DCUN1D4: variants seen among roughly 807,000 people sequenced by gnomAD.
The protein encoded by DCUN1D4 is defective in cullin neddylation 1 domain containing 4.
Under a neutral mutation model 47.9 loss-of-function variants are expected in DCUN1D4, and 22 were observed. The observed-to-expected ratio is 0.46, with a 90% CI of 0.33 to 0.66. DCUN1D4 has a LOEUF of 0.66. DCUN1D4 is among the 30% of genes least tolerant of loss of function. DCUN1D4 has a pLI of 0.02. For missense variants in DCUN1D4, 301 were observed against 340.8 expected (o/e 0.88, Z 0.92); for synonymous variants, 121 against 112.2 (o/e 1.08, Z -0.50).
At chr4:51,880,335 T>G (rs1728394617) in intron 5 of DCUN1D4, among the ~76,000 whole-genome samples, 2 of 152,222 alleles carry the variant, frequency 1.3e-5, no homozygotes, top group Non-Finnish European at 2.9e-5. Flanking sequence ...GCCATGTTCA[T>G]TTTCCGTAGA....
rs1350384818 is a variant in DCUN1D4 at position 51,877,808 on chromosome 4, A to AGCC, written c.298_300dup (p.Ala100dup). On this transcript the variant is annotated inframe_insertion, in exon 5 of 11. Transcript: ENST00000334635. ...CGACTAGAATAAAGACTGAAGAAGA[A>AGCC]GCCTTTTCAAGTAAAAGGTGCTTGG... The AGCC allele has an allele frequency of 6.2e-7, 1 of 1,612,548 alleles. No individual in the cohort carries two copies. The highest frequency in any genetic ancestry group is 1.7e-5 in the Admixed American group (1 of 59,894).
chr4:51,844,808 C>G, intron 1 of DCUN1D4: 2 of 985,020 alleles, frequency 2.0e-6, no homozygotes, highest in Non-Finnish European at 2.4e-6. Context: ...CGCCCGGCCG[C>G]GGTTGGGTTG....
chr4:51,875,970 CT>C (rs1162165590), intron 4 of DCUN1D4, among the ~76,000 whole-genome samples: 2 of 152,038 alleles, frequency 1.3e-5, no homozygotes. Context: ...CCGGTATCCA[CT>C]TTTGTTTCTA....
chr4:51,908,293 ATTAAAGT>A (rs1213129304), intron 8 of DCUN1D4, among the ~76,000 whole-genome samples: 2 of 152,186 alleles, frequency 1.3e-5, no homozygotes, highest in Non-Finnish European at 2.9e-5. Flanking sequence ...ATCTTAGTAA[ATTAAAGT>A]TTATGAAATA....
At chr4:51,859,530 T>C (rs1452195586) in intron 1 of DCUN1D4, among the ~76,000 whole-genome samples, 1 of 151,396 alleles carries the variant, frequency 6.6e-6, no homozygotes, top group African/African-American at 2.4e-5. Flanking sequence ...CCCTGTATTG[T>C]GTAGTTTTCT....
chr4:51,879,335 G>T (rs114762405), intron 5 of DCUN1D4, among the ~76,000 whole-genome samples: 5 of 152,204 alleles, frequency 3.3e-5, no homozygotes, highest in African/African-American at 9.6e-5. Flanking sequence ...GGCTGGGCGC[G>T]GTGGCTCACG....
chr4:51,892,988 A>G (rs1429073155), intron 7 of DCUN1D4, among the ~76,000 whole-genome samples: 2 of 152,218 alleles, frequency 1.3e-5, no homozygotes, highest in Non-Finnish European at 2.9e-5. Flanking sequence ...ATGCTTTCGC[A>G]TTGTGCTTTA....
At chr4:51,895,224 AT>A (rs1731056993) in intron 7 of DCUN1D4, among the ~76,000 whole-genome samples, 1 of 152,006 alleles carries the variant, frequency 6.6e-6, no homozygotes, top group African/African-American at 2.4e-5. Context: ...AGGTTACTGT[AT>A]GATGGGAGTG....
intron 8 of DCUN1D4, among the ~76,000 whole-genome samples, chr4:51,900,379 C>T (rs371873157): frequency 1.3e-5 from 2 of 151,976 alleles, no homozygotes; most frequent in African/African-American, 4.8e-5. Context: ...ATGTTAAAAA[C>T]GATAAGGTGA....
At chr4:51,843,619 C>T in intron 1 of DCUN1D4, 1 of 1,183,738 alleles carries the variant, frequency 8.4e-7, no homozygotes, top group Non-Finnish European at 1.0e-6. Context: ...CTGTAGCGGG[C>T]AGGGCCGGGG....
rs368076036 is a variant in DCUN1D4, at chr4:51,870,983, C to T, written c.137-3288C>T. ...CCCTTGCCTGGATCTGAGTTTGCCT[C>T]ATCCTCCTTGTGAGCCAGCCATGTG... On this transcript the variant is annotated intron_variant, in intron 3 of 10. Coordinates refer to ENST00000334635, the MANE Select transcript of DCUN1D4 (RefSeq NM_001040402.3). Among the ~76,000 whole-genome samples, 17 of 152,104 alleles carry T rather than the reference C, an allele frequency of 1.1e-4. No individual in the cohort carries two copies. In the East Asian group the frequency reaches 3.3e-3, roughly 30 times the overall value.
intron 3 of DCUN1D4, among the ~76,000 whole-genome samples, chr4:51,868,293 C>T (rs2109939366): frequency 6.6e-6 from 1 of 152,348 alleles, no homozygotes; most frequent in East Asian, 1.9e-4. Context: ...GGGTGGGGCT[C>T]CTGCCTGTTC....
chr4:51,889,500 CTT>C (rs1298302847), intron 6 of DCUN1D4, among the ~76,000 whole-genome samples: 1 of 152,112 alleles, frequency 6.6e-6, no homozygotes, highest in Non-Finnish European at 1.5e-5. Context: ...ATGAAAGTCT[CTT>C]TTTTATGAAC....
At chr4:51,856,002 C>T (rs532538168) in intron 1 of DCUN1D4, among the ~76,000 whole-genome samples, 3 of 152,230 alleles carry the variant, frequency 2.0e-5, no homozygotes, top group East Asian at 3.8e-4. Flanking sequence ...CCATGTGACC[C>T]ATGGCTTGAA....
At chr4:51,868,657 G>T (rs1726356550) in intron 3 of DCUN1D4, among the ~76,000 whole-genome samples, 1 of 152,308 alleles carries the variant, frequency 6.6e-6, no homozygotes, top group African/African-American at 2.4e-5. Flanking sequence ...CAATGCTACT[G>T]TGTGTGGAAG....
chr4:51,879,378 A>G (rs1403605145), intron 5 of DCUN1D4, among the ~76,000 whole-genome samples: 2 of 152,198 alleles, frequency 1.3e-5, no homozygotes, highest in African/African-American at 4.8e-5. Context: ...AGGCCAGGGC[A>G]GGAGGATTGC....
At chr4:51,895,257 C>T (rs1442971320) in intron 7 of DCUN1D4, among the ~76,000 whole-genome samples, 2 of 151,638 alleles carry the variant, frequency 1.3e-5, no homozygotes, top group Admixed American at 6.6e-5. Context: ...GAAAGCCCAT[C>T]GGCTGTGAAA....
At chr4:51,876,672 T>G (rs574197211) in intron 4 of DCUN1D4, among the ~76,000 whole-genome samples, 15 of 152,214 alleles carry the variant, frequency 9.9e-5, no homozygotes, top group African/African-American at 3.4e-4. Flanking sequence ...ATGGAAAATA[T>G]ACTATTGAGG....
rs1721871481 is a variant in DCUN1D4, at chr4:51,843,221, G to C, written c.-22G>C. On this transcript the variant is annotated 5_prime_UTR_variant, in exon 1 of 11. Coordinates refer to ENST00000334635, the MANE Select transcript of DCUN1D4 (RefSeq NM_001040402.3). ...GCGAGCGCGGGAGCCTGGGCGGCGA[G>C]CCGGGTGTGAGCTGCCTGAAAATGC... The C allele has an allele frequency of 1.3e-6, 2 of 1,540,658 alleles. No homozygotes were observed. Among genetic ancestry groups the C allele is most frequent in the African/African-American group, 2.8e-5 (2 of 72,102 alleles).
Sources: allele counts gnomAD v4.1 joint callset (sites outside exome capture counted in the v4.1 genomes callset), GRCh38; gene constraint gnomAD v4.1.1; transcripts MANE v1.5; gene names NCBI Gene and HGNC (gene_info 2026-07-23, HGNC 2026-07-21).